The following PCDH11X variants were observed in gnomAD, a reference collection of about 807,000 sequenced individuals.
The protein encoded by PCDH11X is protocadherin 11 X-linked.
PCDH11X carries 18 observed loss-of-function variants against 53.3 expected under a neutral mutation model. The observed-to-expected ratio is 0.34, with a 90% CI of 0.23 to 0.50. PCDH11X has a LOEUF of 0.50. Among genes scored for constraint, PCDH11X ranks in the 20% least tolerant of loss-of-function variants. The probability of loss-of-function intolerance (pLI) is 0.98; values close to 1 mark genes in which losing one functional copy is unlikely to be tolerated. For synonymous variants in PCDH11X, 279 were observed against 393.3 expected, an observed-to-expected ratio of 0.71 and a Z score of 3.44; for missense variants, 570 against 1,032.4, an observed-to-expected ratio of 0.55 and a Z score of 6.14.
intron 6 of PCDH11X, among the ~76,000 whole-genome samples, chrX:92,143,711 G>A (rs759238950): frequency 1.8e-5 from 2 of 112,641 alleles, no homozygotes; most frequent in Non-Finnish European, 3.7e-5. Flanking sequence ...GAAATGTGGG[G>A]TTGGAGCCCC....
At chrX:92,491,814 A>T (rs897028380) in intron 10 of PCDH11X, among the ~76,000 whole-genome samples, 1 of 111,285 alleles carries the variant, frequency 9.0e-6, no homozygotes, top group South Asian at 3.7e-4. Context: ...ATTAAATATC[A>T]TTGAGATCAT....
intron 10 of PCDH11X, among the ~76,000 whole-genome samples, chrX:92,542,948 A>G (rs1295526372): frequency 2.7e-5 from 3 of 112,031 alleles, no homozygotes; most frequent in African/African-American, 9.7e-5. Flanking sequence ...CAATTCTGTT[A>G]TTAACAATCC....
At chrX:92,584,055 A>G (rs1924045784) in intron 10 of PCDH11X, among the ~76,000 whole-genome samples, 1 of 111,664 alleles carries the variant, frequency 9.0e-6, no homozygotes, top group South Asian at 3.7e-4. Flanking sequence ...TAAATAAAAA[A>G]GTAAGAAAAT....
intron 6 of PCDH11X, among the ~76,000 whole-genome samples, chrX:92,126,188 A>T: frequency 9.0e-6 from 1 of 111,659 alleles, no homozygotes; most frequent in Non-Finnish European, 1.9e-5. Context: ...TTAGTTCAAG[A>T]CAGCACCAAA....
intron 10 of PCDH11X, among the ~76,000 whole-genome samples, chrX:92,533,481 C>A (rs1251826049): frequency 2.0e-5 from 2 of 101,895 alleles, no homozygotes; most frequent in Non-Finnish European, 4.0e-5. Context: ...GTGGAGAAAA[C>A]AGCTTGTACA....
At chrX:92,130,220 C>G (rs398122492) in intron 6 of PCDH11X, among the ~76,000 whole-genome samples, 1 of 111,324 alleles carries the variant, frequency 9.0e-6, no homozygotes, top group African/African-American at 3.3e-5. Flanking sequence ...TATTGTAAAG[C>G]ATTTCACTTA....
rs1201916266 is a variant in PCDH11X at position 92,378,139 on chromosome X, A to T, written c.3145-9596A>T. 4.1e-5 allele frequency among the ~76,000 whole-genome samples: 4 copies of T among 97,415 alleles called. No individual in the cohort carries two copies. In the South Asian group the frequency reaches 1.8e-3, roughly 43 times the overall value. 84.6% of individuals were successfully genotyped at this position (97,415 alleles called of 115,157 possible). On this transcript the variant is annotated intron_variant, in intron 8 of 10. Transcript: ENST00000682573. ...CCCATAATGATTTCAAATGCCTTAG[A>T]ATGATTATTATTATAAATTTAGAAA... is the stretch of plus-strand genomic sequence containing the variant.
intron 8 of PCDH11X, among the ~76,000 whole-genome samples, chrX:92,329,754 T>G (rs975434305): frequency 7.2e-5 from 8 of 111,495 alleles, no homozygotes; most frequent in Admixed American, 2.9e-4. Flanking sequence ...TGTTCTCACT[T>G]ATTTGTGAGA....
At chrX:91,886,912 A>T (rs1443184766) in intron 6 of PCDH11X, among the ~76,000 whole-genome samples, 3 of 102,724 alleles carry the variant, frequency 2.9e-5, no homozygotes, top group Non-Finnish European at 5.9e-5. Context: ...CGGAGCTTGC[A>T]GTGAGCCAAG....
intron 6 of PCDH11X, among the ~76,000 whole-genome samples, chrX:91,901,669 G>C (rs1290769738): frequency 4.5e-5 from 5 of 111,193 alleles, no homozygotes; most frequent in African/African-American, 1.6e-4. Flanking sequence ...TATGATCTTT[G>C]AAATTATAAA....
intron 6 of PCDH11X, among the ~76,000 whole-genome samples, chrX:91,914,828 A>C (rs1406268881): frequency 3.6e-5 from 4 of 111,857 alleles, no homozygotes; most frequent in Non-Finnish European, 5.6e-5. Context: ...TATTTGAGCG[A>C]ATAATTGAGG....
chrX:91,892,217 C>T (rs778771397), intron 6 of PCDH11X, among the ~76,000 whole-genome samples: 7 of 107,314 alleles, frequency 6.5e-5, no homozygotes, highest in African/African-American at 2.4e-4. Flanking sequence ...CTCCAAAATA[C>T]CCCTGACATT....
intron 6 of PCDH11X, among the ~76,000 whole-genome samples, chrX:92,033,778 C>T (rs1187413696): frequency 9.1e-6 from 1 of 109,964 alleles, no homozygotes; most frequent in African/African-American, 3.3e-5. Flanking sequence ...TTATTTTCTT[C>T]TACTAATGTT....
intron 6 of PCDH11X, among the ~76,000 whole-genome samples, chrX:91,928,310 A>G (rs1239511007): frequency 4.5e-5 from 5 of 110,603 alleles, no homozygotes; most frequent in African/African-American, 1.6e-4. Flanking sequence ...ATAACTTTAT[A>G]TCATGCTGAA....
chrX:92,420,116 CTT>C (rs897980059), intron 9 of PCDH11X, among the ~76,000 whole-genome samples: 4 of 111,214 alleles, frequency 3.6e-5, no homozygotes, highest in Non-Finnish European at 7.5e-5. Context: ...CATACCTAAC[CTT>C]TCACAGTTTA....
chrX:91,878,979 G>A lies in PCDH11X; in HGVS notation c.2739G>A (p.Glu913=), dbSNP rs1203878905. 8.3e-7 allele frequency: 1 copy of A among 1,209,705 alleles called. No homozygotes were observed. Among genetic ancestry groups the A allele is most frequent in the Non-Finnish European group, 1.1e-6 (1 of 895,175 alleles). Residue 913 remains glutamate (E), a synonymous_variant, in exon 6 of 11, where the codon GAG becomes GAA. Transcript: ENST00000682573. ...TAGACCTTCCTATTGATCTAGAAGA[G>A]CAAACAATGGGAAAGTACAATTGGG... ...VTLDLPIDLE[E]QTMGKYNWVT... is the part of the protein sequence containing the mutation.
chrX:91,965,542 T>C (rs1008835704), intron 6 of PCDH11X, among the ~76,000 whole-genome samples: 1 of 107,383 alleles, frequency 9.3e-6, no homozygotes, highest in Non-Finnish European at 1.9e-5. Flanking sequence ...GACACACTTG[T>C]GAGTTAAACT....
Position 91,848,936 on chromosome X carries a change from A to T in PCDH11X, c.540+12892A>T, listed in dbSNP as rs549785405. On this transcript the variant is annotated intron_variant, in intron 5 of 10. Coordinates refer to ENST00000682573, the MANE Select transcript of PCDH11X (RefSeq NM_032968.5). Reference sequence around the variant, plus strand: ...CTGATTTCTTTATATGACATTACTTATGAAAAGAAGTAATTTTATGAATTA... The same window carrying T: ...CTGATTTCTTTATATGACATTACTTTTGAAAAGAAGTAATTTTATGAATTA... 1.6e-3 allele frequency among the ~76,000 whole-genome samples: 176 copies of T among 110,773 alleles called. 3 individuals are homozygous for T. In the South Asian group the frequency reaches 0.047, roughly 29 times the overall value.
At chrX:92,531,208 G>T (rs867719468) in intron 10 of PCDH11X, among the ~76,000 whole-genome samples, 1 of 110,945 alleles carries the variant, frequency 9.0e-6, no homozygotes, top group Non-Finnish European at 1.9e-5. Flanking sequence ...AATTAACTCT[G>T]TAAGTAAAAC....
Sources: allele counts gnomAD v4.1 joint callset (sites outside exome capture counted in the v4.1 genomes callset), GRCh38; gene constraint gnomAD v4.1.1; transcripts MANE v1.5; gene names NCBI Gene and HGNC (gene_info 2026-07-23, HGNC 2026-07-21).